NHS: variants seen among roughly 807,000 people sequenced by gnomAD.
NHS encodes NHS actin remodeling regulator.
In NHS, 5 loss-of-function variants were observed where a neutral mutation model predicts 72.5. The observed-to-expected ratio is 0.07, with a 90% CI of 0.04 to 0.14. The LOEUF is 0.14. Among genes scored for constraint, NHS ranks in the 10% least tolerant of loss-of-function variants. The pLI is 1.00. For synonymous variants in NHS, 464 were observed against 547.7 expected, an observed-to-expected ratio of 0.85 and a Z score of 2.13; for missense variants, 1,072 against 1,355.7, an observed-to-expected ratio of 0.79 and a Z score of 3.29.
intron 1 of NHS, among the ~76,000 whole-genome samples, chrX:17,631,934 G>A (rs188882434): frequency 2.0e-3 from 222 of 111,908 alleles, no homozygotes; most frequent in African/African-American, 6.9e-3. Context: ...AGCTGCTGGA[G>A]TGCCAGTCAT....
intron 1 of NHS, among the ~76,000 whole-genome samples, chrX:17,682,006 ACT>A (rs1219912992): frequency 9.1e-6 from 1 of 110,423 alleles, no homozygotes; most frequent in African/African-American, 3.3e-5. Context: ...GCAAGGAAAG[ACT>A]CTGGGAAACT....
At chrX:17,675,087 T>C (rs2066072056) in intron 1 of NHS, among the ~76,000 whole-genome samples, 1 of 112,571 alleles carries the variant, frequency 8.9e-6, no homozygotes, top group South Asian at 3.6e-4. Context: ...TCTCATTTTA[T>C]GTACCCAAAG....
chrX:17,582,110 A>G (rs1423129262), intron 1 of NHS, among the ~76,000 whole-genome samples: 1 of 111,614 alleles, frequency 9.0e-6, no homozygotes. Flanking sequence ...TGGAGGCCTC[A>G]AATTTATTCA....
At chrX:17,621,663 C>T (rs1479690234) in intron 1 of NHS, among the ~76,000 whole-genome samples, 2 of 111,627 alleles carry the variant, frequency 1.8e-5, no homozygotes, top group Non-Finnish European at 1.9e-5. Flanking sequence ...AGCTTTTATC[C>T]TCAGAGATCT....
intron 1 of NHS, among the ~76,000 whole-genome samples, chrX:17,612,513 C>T (rs1429607003): frequency 9.0e-6 from 1 of 111,076 alleles, no homozygotes; most frequent in Admixed American, 9.6e-5. Context: ...CCCTACTGCC[C>T]CCCAAGTTTA....
At chrX:17,722,725 G>A (rs1318391121) in intron 5 of NHS, among the ~76,000 whole-genome samples, 1 of 110,941 alleles carries the variant, frequency 9.0e-6, no homozygotes, top group Non-Finnish European at 1.9e-5. Context: ...AATCTAAATG[G>A]GATGTATTAG....
chrX:17,413,600 G>C (rs960782752), intron 1 of NHS, among the ~76,000 whole-genome samples: 1 of 112,280 alleles, frequency 8.9e-6, no homozygotes, highest in Non-Finnish European at 1.9e-5. Flanking sequence ...GCCCAGAAAT[G>C]GGAGAGAATC....
At chrX:17,669,141 C>T (rs2066029509) in intron 1 of NHS, among the ~76,000 whole-genome samples, 2 of 112,462 alleles carry the variant, frequency 1.8e-5, no homozygotes, top group South Asian at 3.7e-4. Context: ...ACAGAATTTA[C>T]GCCACCTGAC....
At chrX:17,583,977 T>C (rs1291388499) in intron 1 of NHS, among the ~76,000 whole-genome samples, 1 of 111,998 alleles carries the variant, frequency 8.9e-6, no homozygotes, top group Non-Finnish European at 1.9e-5. Flanking sequence ...TCTCTCTGTC[T>C]CTTTTTCCTG....
chrX:17,516,622 C>T (rs2146933908), intron 1 of NHS, among the ~76,000 whole-genome samples: 1 of 103,031 alleles, frequency 9.7e-6, no homozygotes, highest in African/African-American at 3.6e-5. Context: ...AAACACTGAC[C>T]ATCTTTGTTA....
chrX:17,498,789 T>G (rs981164027), intron 1 of NHS, among the ~76,000 whole-genome samples: 1 of 111,552 alleles, frequency 9.0e-6, no homozygotes, highest in East Asian at 2.8e-4. Flanking sequence ...GCTATAGCTG[T>G]GTCGAAATAA....
chrX:17,428,407 G>A (rs985025237), intron 1 of NHS, among the ~76,000 whole-genome samples: 1 of 112,370 alleles, frequency 8.9e-6, no homozygotes, highest in African/African-American at 3.2e-5. Context: ...TTTTTGAAAT[G>A]TTCTTTCTTT....
chrX:17,464,112 C>T (rs901934762), intron 1 of NHS, among the ~76,000 whole-genome samples: 1 of 112,029 alleles, frequency 8.9e-6, no homozygotes, highest in African/African-American at 3.2e-5. Context: ...TTTCTATGAC[C>T]TGCCTTGGGG....
At chrX:17,649,330 T>C (rs1385643097) in intron 1 of NHS, among the ~76,000 whole-genome samples, 1 of 111,990 alleles carries the variant, frequency 8.9e-6, no homozygotes, top group Non-Finnish European at 1.9e-5. Flanking sequence ...AAAAGGAGGC[T>C]TTGAAATAGT....
At chrX:17,376,444 C>T in intron 1 of NHS, 122 bp downstream of exon 1, 2 of 629,161 alleles carry the variant, frequency 3.2e-6, no homozygotes, top group Non-Finnish European at 5.0e-6. Flanking sequence ...CACCTTACTA[C>T]TCTCGCCTTC....
chrX:17,709,791 C>G (rs1194496545), intron 3 of NHS, among the ~76,000 whole-genome samples: 2 of 110,976 alleles, frequency 1.8e-5, no homozygotes, highest in Non-Finnish European at 3.8e-5. Context: ...TTCTGAGGAA[C>G]TGGGACCCAG....
intron 3 of NHS, among the ~76,000 whole-genome samples, chrX:17,707,537 T>A (rs1228387538): frequency 9.0e-6 from 1 of 111,666 alleles, no homozygotes; most frequent in Non-Finnish European, 1.9e-5. Context: ...ATGAAGGAAG[T>A]CACTCAAACT....
At chrX:17,465,928 T>G (rs2064869075) in intron 1 of NHS, among the ~76,000 whole-genome samples, 1 of 112,947 alleles carries the variant, frequency 8.9e-6, no homozygotes, top group Non-Finnish European at 1.9e-5. Context: ...TATTCTTTCC[T>G]CTATGGCCTA....
intron 3 of NHS, among the ~76,000 whole-genome samples, chrX:17,707,056 G>A (rs753924912): frequency 2.7e-5 from 3 of 111,878 alleles, no homozygotes; most frequent in Non-Finnish European, 5.6e-5. Flanking sequence ...GACCCTTGAA[G>A]CCCAAGTCCT....
Sources: gnomAD v4.1 joint callset for allele counts (sites outside exome capture counted in the v4.1 genomes callset) on GRCh38, gnomAD v4.1.1 for gene constraint, MANE v1.5 for transcripts, NCBI Gene and HGNC (gene_info 2026-07-23, HGNC 2026-07-21) for gene names.